Variants in ARHGAP32 observed in about 807,000 individuals in gnomAD.
ARHGAP32 encodes rho GTPase-activating protein 32.
In ARHGAP32, 51 loss-of-function variants were observed where a neutral mutation model predicts 186.5. The ratio of observed to expected loss-of-function variants is 0.27; its 90% CI spans 0.22 to 0.35. The LOEUF (loss-of-function observed/expected upper bound fraction) is 0.35. ARHGAP32 is among the 10% of genes least tolerant of loss of function. The probability of loss-of-function intolerance (pLI) is 1.00; values close to 1 mark genes in which losing one functional copy is unlikely to be tolerated. For missense variants in ARHGAP32, 2,186 were observed against 2,623.5 expected (o/e 0.83, Z 3.64); for synonymous variants, 950 against 964.3 (o/e 0.99, Z 0.27).
chr11:129,099,819 T>G (rs1013372106), intron 5 of ARHGAP32, among the ~76,000 whole-genome samples: 1 of 148,456 alleles, frequency 6.7e-6, no homozygotes, highest in Admixed American at 6.7e-5. Flanking sequence ...GAGACCAAGA[T>G]GACTGGCGTG....
In ARHGAP32 at chr11:128,965,325, T is replaced by G. The variant is rs1481640448; in HGVS notation, c.*3582A>C. On this transcript the variant is annotated 3_prime_UTR_variant, in exon 23 of 23. Transcript: ENST00000682385. ...AAACTATTTACAAAAATACACAAGC[T>G]TATATGCATTAACAATTTACACCAG... The G allele has an allele frequency of 6.6e-6, 1 of 152,016 alleles. No homozygotes were observed. Among genetic ancestry groups the G allele is most frequent in the Non-Finnish European group, 1.5e-5 (1 of 68,000 alleles). 9.4% of individuals were successfully genotyped at this position (152,016 alleles called of 1,614,324 possible).
intron 1 of ARHGAP32, among the ~76,000 whole-genome samples, chr11:129,199,020 A>G (rs1022098127): frequency 2.0e-5 from 3 of 152,194 alleles, no homozygotes; most frequent in African/African-American, 7.2e-5. Context: ...TAGCAAAGAG[A>G]CTGGTGGCAT....
In ARHGAP32 at chr11:128,973,287, C is replaced by A. The variant is rs752057333; in HGVS notation, c.3219G>T (p.Leu1073Phe). The A allele has an allele frequency of 1.2e-6, 2 of 1,614,174 alleles. No individual in the cohort carries two copies. The highest frequency in any genetic ancestry group is 1.7e-6 in the Non-Finnish European group (2 of 1,180,044). ...CAGCCTGAGAGGTCCCTGGTCTCTTCAATGACTGAGTTGAGGCTTGCTGTG... is the reference window on the plus strand; with the variant it reads ...CAGCCTGAGAGGTCCCTGGTCTCTTAAATGACTGAGTTGAGGCTTGCTGTG... Reference protein sequence around the residue: ...ESAQQASTQSLKRPGTSQAGY... With the variant: ...ESAQQASTQSFKRPGTSQAGY... The change falls in exon 22 of 23, where the codon TTG becomes TTT. Residue 1073 changes from leucine to phenylalanine, a missense_variant. Physicochemically the swap from Leu to Phe is conservative, Grantham distance 22. Transcript: ENST00000682385.
At chr11:129,005,843 C>CTCT (rs1354965356) in intron 11 of ARHGAP32, among the ~76,000 whole-genome samples, 17 of 152,156 alleles carry the variant, frequency 1.1e-4, no homozygotes, top group African/African-American at 3.9e-4. Context: ...CTACCCCTAT[C>CTCT]TCTTTCTCTG....
At position 129,040,964 on chromosome 11, in the gene ARHGAP32, C is replaced by T. The variant is rs1939567993; in HGVS notation, c.1009G>A (p.Val337Ile). 6.2e-7 allele frequency: 1 copy of T among 1,606,544 alleles called. No homozygotes were observed. Among genetic ancestry groups the T allele is most frequent in the African/African-American group, 1.3e-5 (1 of 74,820 alleles). The part of the protein sequence containing the change: ...GHCVELINQK[V>I]PQSVTNSVPK... ...ACTGAGTTGGTCACTGACTGGGGAACTTTTTGGTTAATTAACTCAACACAG... is the reference window on the plus strand; with the variant it reads ...ACTGAGTTGGTCACTGACTGGGGAATTTTTTGGTTAATTAACTCAACACAG... The change falls in exon 11 of 23, where the codon GTT becomes ATT. Residue 337 changes from valine (V) to isoleucine (I), a missense_variant. By Grantham distance (29) the Val-to-Ile change is conservative (BLOSUM62 3). Transcript: ENST00000682385.
chr11:129,123,931 T>C lies in ARHGAP32; in HGVS notation c.318-2A>G. The C allele has an allele frequency of 3.9e-6, 5 of 1,290,578 alleles. No individual in the cohort carries two copies. The highest frequency in any genetic ancestry group is 1.2e-5 in the South Asian group (1 of 80,802). 79.9% of individuals were successfully genotyped at this position (1,290,578 alleles called of 1,614,324 possible). ...CCCATCAGTCCTGGAGTGGTGGACC[T>C]GAACGCAGAATGAACATTTTTATCC... On this transcript the variant is annotated splice_acceptor_variant, in intron 3 of 22. Coordinates refer to ENST00000682385, the MANE Select transcript of ARHGAP32 (RefSeq NM_001378024.1). LOFTEE classifies it high-confidence loss of function. The surrounding 1 kb of genome is among the most constrained non-coding windows in gnomAD (Gnocchi z 4.6).
chr11:129,097,877 A>C (rs961927157), intron 5 of ARHGAP32, among the ~76,000 whole-genome samples: 2 of 152,186 alleles, frequency 1.3e-5, no homozygotes, highest in Non-Finnish European at 2.9e-5. Context: ...CCGATAATCA[A>C]ATGTTCAAAA....
chr11:129,174,992 C>G (rs1943880388), intron 1 of ARHGAP32, among the ~76,000 whole-genome samples: 1 of 140,390 alleles, frequency 7.1e-6, no homozygotes, highest in South Asian at 2.3e-4. Context: ...TCAAATTACT[C>G]TGAGCTATGG....
rs770458596 is a variant in ARHGAP32, at chr11:128,974,563, T to C, written c.2634A>G (p.Pro878=). 3.1e-6 allele frequency: 5 copies of C among 1,614,108 alleles called. No homozygotes were observed. The highest frequency in any genetic ancestry group is 2.2e-5 in the East Asian group (1 of 44,902). Reference sequence around the variant, plus strand: ...TTGGGCTCAAGTCCAGGGTAAAGAATGGACTCAGTTTCTCCTGAAGAGGAG... The same window carrying C: ...TTGGGCTCAAGTCCAGGGTAAAGAACGGACTCAGTTTCTCCTGAAGAGGAG... ...PVSPLQEKLS[P]FFTLDLSPTE... The change falls in exon 21 of 23, where the codon CCA becomes CCG. Residue 878 remains proline (P), a synonymous_variant. Coordinates refer to ENST00000682385, the MANE Select transcript of ARHGAP32 (RefSeq NM_001378024.1).
At chr11:129,010,143 G>A (rs1938002276) in intron 11 of ARHGAP32, among the ~76,000 whole-genome samples, 2 of 152,050 alleles carry the variant, frequency 1.3e-5, no homozygotes, top group Admixed American at 6.6e-5. Flanking sequence ...TTTTTAATGG[G>A]GTTGTTTTTT....
intron 11 of ARHGAP32, among the ~76,000 whole-genome samples, chr11:129,024,535 T>C (rs975609515): frequency 6.6e-6 from 1 of 152,226 alleles, no homozygotes; most frequent in Admixed American, 6.5e-5. Context: ...TCTTTGCTGA[T>C]ACTGAGCTAA....
chr11:128,996,892 A>T (rs374216631), intron 12 of ARHGAP32, among the ~76,000 whole-genome samples: 1 of 151,980 alleles, frequency 6.6e-6, no homozygotes, highest in East Asian at 1.9e-4. Flanking sequence ...TGATTCTCCC[A>T]CCTTGGCCTC....
At chr11:128,995,550 T>C (rs1946174425) in intron 12 of ARHGAP32, among the ~76,000 whole-genome samples, 1 of 152,304 alleles carries the variant, frequency 6.6e-6, no homozygotes, top group East Asian at 1.9e-4. Context: ...TTATAGAACA[T>C]TCCCCTGTAT....
intron 11 of ARHGAP32, among the ~76,000 whole-genome samples, chr11:129,017,230 C>A (rs1938390605): frequency 6.6e-6 from 1 of 152,032 alleles, no homozygotes; most frequent in African/African-American, 2.4e-5. Context: ...CCAAGGCGGG[C>A]AGATCACAAG....
chr11:129,024,934 C>T (rs993271604), intron 11 of ARHGAP32, among the ~76,000 whole-genome samples: 1 of 152,090 alleles, frequency 6.6e-6, no homozygotes, highest in Non-Finnish European at 1.5e-5. Flanking sequence ...AATACTTCTA[C>T]TAAATAATAA....
chr11:129,229,466 G>A (rs942722681), intron 1 of ARHGAP32, among the ~76,000 whole-genome samples: 4 of 151,748 alleles, frequency 2.6e-5, no homozygotes, highest in Admixed American at 2.0e-4. Flanking sequence ...TTTACTACTC[G>A]CTCAATTATC....
chr11:129,107,363 G>A (rs905896470), intron 5 of ARHGAP32, among the ~76,000 whole-genome samples: 5 of 152,278 alleles, frequency 3.3e-5, no homozygotes, highest in Non-Finnish European at 7.4e-5. Context: ...ACAGTAACTT[G>A]TAGCCATATG....
At position 129,222,860 on chromosome 11, in the gene ARHGAP32, C is replaced by T. The variant is rs188473957; in HGVS notation, c.-5+56286G>A. ...GATTCTGACTGAGTATGGCTGGAGTCGGGAGATGCTGTATTCTGGGGGTAG... is the reference window on the plus strand; with the variant it reads ...GATTCTGACTGAGTATGGCTGGAGTTGGGAGATGCTGTATTCTGGGGGTAG... On this transcript the variant is annotated intron_variant, in intron 1 of 6. Coordinates refer to the ARHGAP32 transcript ENST00000525234. 1.4e-3 allele frequency among the ~76,000 whole-genome samples: 208 copies of T among 152,160 alleles called. 2 individuals carry two copies. Among genetic ancestry groups the T allele is most frequent in the Admixed American group, 0.012 (183 of 15,276 alleles).
intron 1 of ARHGAP32, among the ~76,000 whole-genome samples, chr11:129,264,980 C>A (rs1401873917): frequency 6.6e-6 from 1 of 152,202 alleles, no homozygotes; most frequent in Admixed American, 6.5e-5. Flanking sequence ...GTCTCACAAC[C>A]TTTTCCTATT....
Sources: gnomAD v4.1 joint callset for allele counts (sites outside exome capture counted in the v4.1 genomes callset) on GRCh38, gnomAD v4.1.1 for gene constraint, Gnocchi (gnomAD v3.1) non-coding constraint, MANE v1.5 for transcripts, NCBI Gene and HGNC (gene_info 2026-07-23, HGNC 2026-07-21) for gene names.